SLC4A4: variants seen among roughly 807,000 people sequenced by gnomAD.
SLC4A4 encodes the protein electrogenic sodium bicarbonate cotransporter 1.
A neutral mutation model predicts 111.5 loss-of-function variants in SLC4A4; 27 were observed. That is an observed-to-expected ratio of 0.24 (90% CI 0.18 to 0.33). The LOEUF (loss-of-function observed/expected upper bound fraction) is 0.33, where lower values mean the gene tolerates loss of function less well. Ranked by LOEUF, SLC4A4 falls within the 10% of genes least tolerant of loss-of-function variation. The pLI, the probability that SLC4A4 is intolerant of heterozygous loss-of-function variation, is 1.00. For missense variants in SLC4A4, 909 were observed against 1,315.5 expected (o/e 0.69, Z 4.78); for synonymous variants, 443 against 463.4 (o/e 0.96, Z 0.57).
chr4:71,247,109 T>G lies in SLC4A4; in HGVS notation c.74-8111T>G, dbSNP rs543905527. The stretch of plus-strand genomic sequence containing the variant: ...TAATTGTTATAGCCCTATGGTATTA[T>G]CTACATCTCATTTACCTACATATGT... On this transcript the variant is annotated intron_variant, in intron 2 of 25. Coordinates refer to ENST00000264485, the MANE Select transcript of SLC4A4 (RefSeq NM_001098484.3). 1.6e-3 allele frequency among the ~76,000 whole-genome samples: 241 copies of G among 151,828 alleles called. 4 individuals are homozygous for G. Among genetic ancestry groups the G allele is most frequent in the African/African-American group, 5.7e-3 (235 of 41,456 alleles).
chr4:71,423,417 G>A (rs556544736), intron 7 of SLC4A4, among the ~76,000 whole-genome samples: 2 of 152,120 alleles, frequency 1.3e-5, no homozygotes, highest in African/African-American at 4.8e-5. Flanking sequence ...TACTGCCCAA[G>A]GTCATTTATA....
intron 1 of SLC4A4, among the ~76,000 whole-genome samples, chr4:71,082,051 T>C (rs1278285744): frequency 1.3e-5 from 2 of 152,080 alleles, no homozygotes; most frequent in Non-Finnish European, 2.9e-5. Flanking sequence ...AAATTTTCTG[T>C]TGTCTCTCTT....
intron 5 of SLC4A4, among the ~76,000 whole-genome samples, chr4:71,356,044 C>A (rs1730260747): frequency 6.6e-6 from 1 of 152,188 alleles, no homozygotes; most frequent in Non-Finnish European, 1.5e-5. Flanking sequence ...GCATATCTTG[C>A]ACAGATTCTG....
chr4:71,086,574 G>A (rs1344126413), intron 1 of SLC4A4, among the ~76,000 whole-genome samples: 1 of 152,068 alleles, frequency 6.6e-6, no homozygotes, highest in South Asian at 2.1e-4. Context: ...TTTGAGATAT[G>A]TCCCATCAAT....
At chr4:71,445,693 C>T (rs142223955) in intron 8 of SLC4A4, among the ~76,000 whole-genome samples, 236 of 152,190 alleles carry the variant, frequency 1.6e-3, no homozygotes, top group African/African-American at 5.4e-3. Flanking sequence ...GTCAGGCAAA[C>T]GAAATTGAGA....
chr4:71,563,387 G>A (rs925309217), intron 23 of SLC4A4, among the ~76,000 whole-genome samples: 5 of 151,742 alleles, frequency 3.3e-5, no homozygotes, highest in African/African-American at 4.8e-5. Flanking sequence ...ATCTAGAGAC[G>A]GAATCAGCAT....
At chr4:71,307,451 A>G (rs1325654384) in intron 3 of SLC4A4, among the ~76,000 whole-genome samples, 1 of 152,232 alleles carries the variant, frequency 6.6e-6, no homozygotes, top group Non-Finnish European at 1.5e-5. Context: ...TCAACAATTC[A>G]AAAAGCTCTT....
At chr4:71,217,305 C>T (rs892590776) in intron 1 of SLC4A4, among the ~76,000 whole-genome samples, 7 of 152,166 alleles carry the variant, frequency 4.6e-5, no homozygotes, top group African/African-American at 1.4e-4. Flanking sequence ...TGGTGGCTCA[C>T]GCCTGTAATC....
At chr4:71,135,091 C>T (rs1743807203) in intron 2 of SLC4A4, among the ~76,000 whole-genome samples, 3 of 151,968 alleles carry the variant, frequency 2.0e-5, no homozygotes, top group Admixed American at 2.0e-4. Flanking sequence ...GCATAAGTTC[C>T]ATGGTGTGTA....
intron 16 of SLC4A4, among the ~76,000 whole-genome samples, chr4:71,530,611 A>T (rs1375019947): frequency 6.6e-6 from 1 of 152,104 alleles, no homozygotes; most frequent in African/African-American, 2.4e-5. Context: ...AGCTAAACCT[A>T]GCAAATCTAG....
At chr4:71,336,803 T>C (rs1728466855) in intron 3 of SLC4A4, among the ~76,000 whole-genome samples, 1 of 152,254 alleles carries the variant, frequency 6.6e-6, no homozygotes, top group Admixed American at 6.5e-5. Context: ...TCTAACTGCA[T>C]ATACAGAGTC....
At chr4:71,128,558 G>A (rs191556500) in intron 2 of SLC4A4, among the ~76,000 whole-genome samples, 28 of 152,158 alleles carry the variant, frequency 1.8e-4, no homozygotes, top group African/African-American at 5.5e-4. Context: ...GCATGATCTC[G>A]GCTCACTGCA....
intron 3 of SLC4A4, among the ~76,000 whole-genome samples, chr4:71,280,544 C>T (rs1307266300): frequency 6.6e-6 from 1 of 152,094 alleles, no homozygotes; most frequent in Non-Finnish European, 1.5e-5. Flanking sequence ...TGTCTTTAAA[C>T]TATTTCAAGT....
intron 7 of SLC4A4, among the ~76,000 whole-genome samples, chr4:71,420,931 C>T (rs1468654578): frequency 8.8e-5 from 13 of 147,784 alleles, no homozygotes; most frequent in African/African-American, 2.0e-4. Context: ...CATCAACTAA[C>T]GAGCAAAATA....
At chr4:71,415,347 C>A (rs1444501619) in intron 7 of SLC4A4, among the ~76,000 whole-genome samples, 11 of 152,070 alleles carry the variant, frequency 7.2e-5, no homozygotes, top group Admixed American at 3.3e-4. Context: ...CACCTCTTCC[C>A]CTTTTTTCTA....
At chr4:71,466,857 A>G (rs959227759) in intron 13 of SLC4A4, among the ~76,000 whole-genome samples, 10 of 151,520 alleles carry the variant, frequency 6.6e-5, no homozygotes, top group African/African-American at 2.4e-4. Flanking sequence ...ATGCCTGTGG[A>G]CAGCAACACC....
At chr4:71,138,957 AC>A (rs1400495114) in intron 2 of SLC4A4, among the ~76,000 whole-genome samples, 1 of 145,472 alleles carries the variant, frequency 6.9e-6, no homozygotes, top group Non-Finnish European at 1.5e-5. Context: ...AACGGTGTGA[AC>A]CCGGGAGGCG....
intron 3 of SLC4A4, among the ~76,000 whole-genome samples, chr4:71,319,526 C>A (rs1159262287): frequency 6.6e-6 from 1 of 151,978 alleles, no homozygotes; most frequent in Non-Finnish European, 1.5e-5. Context: ...GAGAATATTT[C>A]TTGGCATTAT....
intron 2 of SLC4A4, among the ~76,000 whole-genome samples, chr4:71,153,587 A>G (rs944359356): frequency 2.0e-5 from 3 of 152,162 alleles, no homozygotes; most frequent in Non-Finnish European, 4.4e-5. Context: ...TTTTTCAGAG[A>G]GTAGTGTGAA....
Sources: gnomAD v4.1 joint callset for allele counts (sites outside exome capture counted in the v4.1 genomes callset) on GRCh38, gnomAD v4.1.1 for gene constraint, MANE v1.5 for transcripts, NCBI Gene and HGNC (gene_info 2026-07-23, HGNC 2026-07-21) for gene names.